IRF2: variants seen among roughly 807,000 people sequenced by gnomAD.
IRF2 encodes the protein interferon regulatory factor 2.
A neutral mutation model predicts 40.6 loss-of-function variants in IRF2; 15 were observed. The ratio of observed to expected loss-of-function variants is 0.37; its 90% CI spans 0.25 to 0.57. IRF2 has a LOEUF of 0.57. Among genes scored for constraint, IRF2 ranks in the 20% least tolerant of loss-of-function variants. The pLI, the probability that IRF2 is intolerant of heterozygous loss-of-function variation, is 0.77. For missense variants in IRF2, 317 were observed against 455.7 expected (o/e 0.70, Z 2.77); for synonymous variants, 151 against 165.5 (o/e 0.91, Z 0.67).
At chr4:184,397,007 C>A (rs1736491022) in intron 7 of IRF2, among the ~76,000 whole-genome samples, 1 of 152,130 alleles carries the variant, frequency 6.6e-6, no homozygotes, top group Non-Finnish European at 1.5e-5. Context: ...GTTCCCAGGG[C>A]ACAATAAATT....
At chr4:184,421,919 G>C (rs980459377) in intron 2 of IRF2, among the ~76,000 whole-genome samples, 1 of 152,158 alleles carries the variant, frequency 6.6e-6, no homozygotes, top group African/African-American at 2.4e-5. Context: ...CGCTAGTGTT[G>C]CAGGTGGGGT....
intron 1 of IRF2, among the ~76,000 whole-genome samples, chr4:184,437,339 A>AG (rs1264527197): frequency 6.6e-6 from 1 of 151,020 alleles, no homozygotes; most frequent in Admixed American, 6.6e-5. Context: ...TACAGGCATG[A>AG]GCCACCGCGC....
chr4:184,447,431 A>T (rs753989523), intron 1 of IRF2, among the ~76,000 whole-genome samples: 1 of 152,256 alleles, frequency 6.6e-6, no homozygotes, highest in African/African-American at 2.4e-5. Context: ...TGGACTTAGA[A>T]GATCAACATT....
intron 1 of IRF2, among the ~76,000 whole-genome samples, chr4:184,466,347 G>A (rs906010899): frequency 2.6e-5 from 4 of 152,044 alleles, no homozygotes; most frequent in Non-Finnish European, 5.9e-5. Context: ...CACCGCGCAC[G>A]GCCAATCCCA....
intron 1 of IRF2, among the ~76,000 whole-genome samples, chr4:184,447,653 G>T (rs1738561774): frequency 1.3e-5 from 2 of 152,172 alleles, no homozygotes; most frequent in African/African-American, 4.8e-5. Flanking sequence ...ACGAATTAAG[G>T]GGCAAATCAA....
intron 1 of IRF2, among the ~76,000 whole-genome samples, chr4:184,453,675 C>G (rs1447850274): frequency 5.9e-5 from 9 of 152,142 alleles, no homozygotes; most frequent in Non-Finnish European, 1.2e-4. Context: ...AGAACAAGTT[C>G]AATAAGAGGA....
chr4:184,408,373 G>T lies in IRF2; in HGVS notation c.412-98C>A. ...CTCTGCCTACTTTCTTTAATGCTAGGGTCATTCATGTTCAGCTGCCGAATA... is the reference window on the plus strand; with the variant it reads ...CTCTGCCTACTTTCTTTAATGCTAGTGTCATTCATGTTCAGCTGCCGAATA... On this transcript the variant is annotated intron_variant, in intron 5 of 8. Transcript: ENST00000393593. The surrounding 1 kb of genome is among the most constrained non-coding windows in gnomAD (Gnocchi z 4.9). 2 of 770,324 alleles carry T rather than the reference G, an allele frequency of 2.6e-6. No homozygotes were observed. Among genetic ancestry groups the T allele is most frequent in the Non-Finnish European group, 4.5e-6 (2 of 442,796 alleles). The allele number at this position is 770,324 out of a possible 1,614,324, so 47.7% of individuals were successfully genotyped here.
In IRF2 at chr4:184,418,557, G is replaced by C. The variant is rs144286568; in HGVS notation, c.339C>G (p.Pro113=). The change falls in exon 4 of 9, where the codon CCC becomes CCG. Residue 113 remains proline, a synonymous_variant. Transcript: ENST00000393593. ...NNAFRVYRML[P]LSERPSKKGK... is the part of the protein sequence containing the mutation. ...CTTTCTTAGAAGGCCGTTCTGATAGGGGCAGCATTCGGTAGACCCTGAAGG... is the reference window on the plus strand; with the variant it reads ...CTTTCTTAGAAGGCCGTTCTGATAGCGGCAGCATTCGGTAGACCCTGAAGG... 6.2e-7 allele frequency: 1 copy of C among 1,613,992 alleles called. No homozygotes were observed. The highest frequency in any genetic ancestry group is 1.3e-5 in the African/African-American group (1 of 74,896).
At chr4:184,469,375 G>A (rs557634924) in intron 1 of IRF2, among the ~76,000 whole-genome samples, 46 of 152,322 alleles carry the variant, frequency 3.0e-4, no homozygotes, top group African/African-American at 1.0e-3. Context: ...GTGTTTCTGA[G>A]GAATAAAAAT....
In IRF2 at chr4:184,408,270, T is replaced by C; in HGVS notation, c.417A>G (p.Glu139=). Reference sequence around the variant, plus strand: ...TAAGCCCCAGAGATGACTCAACTGGTTCTTGCTAGGAAGAAGAAAAGAAAA... The same window carrying C: ...TAAGCCCCAGAGATGACTCAACTGGCTCTTGCTAGGAAGAAGAAAAGAAAA... The part of the protein sequence containing the change: ...KEDKVKHIKQ[E]PVESSLGLSN... The change falls in exon 6 of 9, where the codon GAA becomes GAG. Residue 139 remains glutamate (E), a synonymous_variant. Transcript: ENST00000393593. The surrounding 1 kb of genome is among the most constrained non-coding windows in gnomAD (Gnocchi z 4.9). 1.3e-6 allele frequency: 2 copies of C among 1,593,146 alleles called. No homozygotes were observed. The highest frequency in any genetic ancestry group is 1.7e-6 in the Non-Finnish European group (2 of 1,161,388).
At chr4:184,444,188 A>G (rs1738417423) in intron 1 of IRF2, among the ~76,000 whole-genome samples, 1 of 152,178 alleles carries the variant, frequency 6.6e-6, no homozygotes, top group South Asian at 2.1e-4. Context: ...TATACTGTAT[A>G]TGAGATGAGG....
In IRF2 at chr4:184,418,545, C is replaced by A. The variant is rs139554090; in HGVS notation, c.351G>T (p.Arg117=). Residue 117 remains arginine (R), a synonymous_variant, in exon 4 of 9, where the codon CGG becomes CGT. Transcript: ENST00000393593. ...RVYRMLPLSE[R]PSKKGKKPKT... ...AAATGCCTTTACCTTTCTTAGAAGG[C>A]CGTTCTGATAGGGGCAGCATTCGGT... The A allele has an allele frequency of 3.7e-6, 6 of 1,614,098 alleles. No individual in the cohort carries two copies. Among genetic ancestry groups the A allele is most frequent in the Non-Finnish European group, 5.1e-6 (6 of 1,179,970 alleles).
chr4:184,403,497 A>G (rs1272314635), intron 6 of IRF2, among the ~76,000 whole-genome samples: 2 of 152,138 alleles, frequency 1.3e-5, no homozygotes, highest in Non-Finnish European at 2.9e-5. Context: ...ACCACCTCCC[A>G]AGACCTCACA....
At chr4:184,468,447 A>G (rs1739406437) in intron 1 of IRF2, among the ~76,000 whole-genome samples, 1 of 152,080 alleles carries the variant, frequency 6.6e-6, no homozygotes, top group Admixed American at 6.5e-5. Flanking sequence ...AGATCACACC[A>G]CTGCCCTCCA....
At chr4:184,437,400 A>G (rs2149907613) in intron 1 of IRF2, among the ~76,000 whole-genome samples, 1 of 152,086 alleles carries the variant, frequency 6.6e-6, no homozygotes, top group African/African-American at 2.4e-5. Context: ...TTCACTACCT[A>G]TGTTGCCCGG....
intron 5 of IRF2, among the ~76,000 whole-genome samples, chr4:184,412,921 C>G (rs770180660): frequency 6.6e-6 from 1 of 152,248 alleles, no homozygotes. Context: ...TGGGCACTCA[C>G]TCAAGTGCTG....
chr4:184,405,725 G>A (rs10007005), intron 6 of IRF2, among the ~76,000 whole-genome samples: 2,343 of 152,298 alleles, frequency 0.015, 73 homozygotes, highest in African/African-American at 0.054. Flanking sequence ...TGAGAAGTAC[G>A]GTGAGGGAAG....
chr4:184,455,619 A>G (rs1411828463), intron 1 of IRF2, among the ~76,000 whole-genome samples: 1 of 152,060 alleles, frequency 6.6e-6, no homozygotes, highest in African/African-American at 2.4e-5. Flanking sequence ...AAGTGGATGA[A>G]TCCCTCCTGG....
chr4:184,417,751 CAT>C (rs1349924829), intron 5 of IRF2, among the ~76,000 whole-genome samples: 2 of 152,210 alleles, frequency 1.3e-5, no homozygotes, highest in African/African-American at 4.8e-5. Context: ...ATGTCTGTAA[CAT>C]AGAGTTCATA....
Sources: allele counts gnomAD v4.1 joint callset (sites outside exome capture counted in the v4.1 genomes callset), GRCh38; gene constraint gnomAD v4.1.1; non-coding constraint Gnocchi (gnomAD v3.1); transcripts MANE v1.5; gene names NCBI Gene and HGNC (gene_info 2026-07-23, HGNC 2026-07-21).